The following CDH18 variants were observed in gnomAD, a reference collection of about 807,000 sequenced individuals.
The protein encoded by CDH18 is cadherin-18.
Under a neutral mutation model 67.9 loss-of-function variants are expected in CDH18, and 31 were observed. That is an observed-to-expected ratio of 0.46 (90% CI 0.34 to 0.62). The LOEUF is 0.62. Ranked by LOEUF, CDH18 falls within the 20% of genes least tolerant of loss-of-function variation. The pLI is 0.01. For missense variants in CDH18, 890 were observed against 975.5 expected (o/e 0.91, Z 1.17); for synonymous variants, 362 against 347.2 (o/e 1.04, Z -0.48).
chr5:19,582,627 T>C (rs1384947643), intron 7 of CDH18, among the ~76,000 whole-genome samples: 7 of 151,794 alleles, frequency 4.6e-5, no homozygotes, highest in Non-Finnish European at 1.0e-4. Context: ...CTTAGTTGAG[T>C]TTTTTTTGAT....
At chr5:20,283,317 C>T (rs1746433822) in intron 1 of CDH18, among the ~76,000 whole-genome samples, 1 of 151,932 alleles carries the variant, frequency 6.6e-6, no homozygotes, top group Non-Finnish European at 1.5e-5. Context: ...AGGGAATCCA[C>T]AGAATGGGGG....
chr5:20,312,797 T>C (rs1737111738), intron 1 of CDH18, among the ~76,000 whole-genome samples: 1 of 152,174 alleles, frequency 6.6e-6, no homozygotes. Flanking sequence ...TCAAATTTCC[T>C]CTTTTTATTA....
intron 1 of CDH18, among the ~76,000 whole-genome samples, chr5:20,571,622 T>C (rs995655226): frequency 1.3e-5 from 2 of 152,080 alleles, no homozygotes; most frequent in African/African-American, 4.8e-5. Context: ...GGTATGTAAA[T>C]TTTCAAACAG....
chr5:19,564,228 T>C (rs904907094), intron 8 of CDH18, among the ~76,000 whole-genome samples: 3 of 152,086 alleles, frequency 2.0e-5, no homozygotes, highest in Admixed American at 2.0e-4. Flanking sequence ...GCAGGTGACA[T>C]AGTGAGAAGC....
chr5:20,265,585 A>T (rs1744971597), intron 1 of CDH18, among the ~76,000 whole-genome samples: 1 of 149,574 alleles, frequency 6.7e-6, no homozygotes, highest in Non-Finnish European at 1.5e-5. Flanking sequence ...GTATCAAAAT[A>T]AAAAAAAAAT....
chr5:20,162,759 A>C (rs1735990835), intron 2 of CDH18, among the ~76,000 whole-genome samples: 1 of 151,854 alleles, frequency 6.6e-6, no homozygotes. Context: ...AGACATATAT[A>C]ATAAAGAAAT....
intron 2 of CDH18, among the ~76,000 whole-genome samples, chr5:20,122,868 T>C (rs1748484953): frequency 6.8e-6 from 1 of 148,104 alleles, no homozygotes; most frequent in African/African-American, 2.4e-5. Flanking sequence ...CTGAAAGAAA[T>C]TTATTTCTGT....
intron 5 of CDH18, among the ~76,000 whole-genome samples, chr5:19,647,174 A>C (rs16885646): frequency 0.058 from 8,788 of 152,128 alleles, 289 homozygotes; most frequent in Non-Finnish European, 0.074. Context: ...CGTAAGGGCA[A>C]GAAATGCAAA....
intron 1 of CDH18, among the ~76,000 whole-genome samples, chr5:20,357,244 T>G (rs1741709393): frequency 6.6e-6 from 1 of 151,988 alleles, no homozygotes; most frequent in Non-Finnish European, 1.5e-5. Flanking sequence ...ATTAAACTAT[T>G]TAACAGAATA....
intron 2 of CDH18, among the ~76,000 whole-genome samples, chr5:20,216,730 AC>A (rs1740803605): frequency 6.6e-6 from 1 of 151,974 alleles, no homozygotes; most frequent in Admixed American, 6.6e-5. Flanking sequence ...GAAAACAGCA[AC>A]ATCAGCAGCA....
chr5:20,160,254 T>C (rs1170538525), intron 2 of CDH18, among the ~76,000 whole-genome samples: 1 of 152,200 alleles, frequency 6.6e-6, no homozygotes, highest in African/African-American at 2.4e-5. Context: ...GTTGTTGCAT[T>C]TTGATGGCCA....
At chr5:19,545,160 A>G (rs1466762531) in intron 8 of CDH18, among the ~76,000 whole-genome samples, 2 of 152,172 alleles carry the variant, frequency 1.3e-5, no homozygotes, top group Non-Finnish European at 1.5e-5. Context: ...TCTCTTTTTA[A>G]ATCTCAGCTT....
chr5:19,759,549 C>T (rs1180134176), intron 3 of CDH18, among the ~76,000 whole-genome samples: 2 of 152,140 alleles, frequency 1.3e-5, no homozygotes, highest in Non-Finnish European at 2.9e-5. Flanking sequence ...ACTGGGCCCA[C>T]TGTAAGTCAG....
chr5:20,366,640 C>A (rs1239550347), intron 1 of CDH18, among the ~76,000 whole-genome samples: 1 of 152,124 alleles, frequency 6.6e-6, no homozygotes, highest in Non-Finnish European at 1.5e-5. Flanking sequence ...ATTTGCCCCC[C>A]TAACAGTGGA....
intron 2 of CDH18, among the ~76,000 whole-genome samples, chr5:20,083,535 C>T (rs1744670527): frequency 6.6e-6 from 1 of 152,142 alleles, no homozygotes; most frequent in Non-Finnish European, 1.5e-5. Context: ...TCCAACTGCT[C>T]CACAGACTGG....
At chr5:19,689,015 A>T (rs1462630599) in intron 5 of CDH18, among the ~76,000 whole-genome samples, 1 of 152,096 alleles carries the variant, frequency 6.6e-6, no homozygotes, top group Non-Finnish European at 1.5e-5. Context: ...GAATACACAA[A>T]ATCTATGTCA....
intron 1 of CDH18, among the ~76,000 whole-genome samples, chr5:20,518,701 C>T (rs561144921): frequency 6.6e-6 from 1 of 152,292 alleles, no homozygotes; most frequent in East Asian, 1.9e-4. Context: ...AACCATGCCA[C>T]TCATGTAATG....
At chr5:19,651,228 A>G (rs1475963833) in intron 5 of CDH18, among the ~76,000 whole-genome samples, 1 of 152,002 alleles carries the variant, frequency 6.6e-6, no homozygotes, top group Non-Finnish European at 1.5e-5. Context: ...TGATCTCTTC[A>G]GTATGTGCTT....
intron 2 of CDH18, among the ~76,000 whole-genome samples, chr5:20,144,432 C>G (rs1369097003): frequency 6.6e-6 from 1 of 152,120 alleles, no homozygotes; most frequent in African/African-American, 2.4e-5. Flanking sequence ...AATGTCTATT[C>G]TACTCCTATA....
Sources: gnomAD v4.1 joint callset for allele counts (sites outside exome capture counted in the v4.1 genomes callset) on GRCh38, gnomAD v4.1.1 for gene constraint, MANE v1.5 for transcripts, NCBI Gene and HGNC (gene_info 2026-07-23, HGNC 2026-07-21) for gene names.